The following TBC1D15 variants were observed in gnomAD, a reference collection of about 807,000 sequenced individuals.
TBC1D15 encodes GAP for RAB7.
A neutral mutation model predicts 95.4 loss-of-function variants in TBC1D15; 39 were observed. The observed-to-expected ratio is 0.41, with a 90% CI of 0.32 to 0.53. The LOEUF (loss-of-function observed/expected upper bound fraction) is 0.53. TBC1D15 is among the 20% of genes least tolerant of loss of function. The pLI is 0.29. For missense variants in TBC1D15, 733 were observed against 794.3 expected (o/e 0.92, Z 0.93); for synonymous variants, 258 against 261.3 (o/e 0.99, Z 0.12).
chr12:71,869,618 G>A (rs1259081041), intron 1 of TBC1D15, among the ~76,000 whole-genome samples: 5 of 152,146 alleles, frequency 3.3e-5, no homozygotes, highest in Non-Finnish European at 5.9e-5. Flanking sequence ...GAGAGATGTA[G>A]GTCAAAGGAT....
intron 1 of TBC1D15, among the ~76,000 whole-genome samples, chr12:71,864,487 GTT>G (rs1012280064): frequency 2.1e-5 from 3 of 142,758 alleles, no homozygotes; most frequent in Non-Finnish European, 3.1e-5. Flanking sequence ...GCAGTTGAGT[GTT>G]TTTTTTTTTT....
chr12:71,839,894 A>G (rs1255541670), intron 1 of TBC1D15, 83 bp downstream of exon 1: 3 of 1,543,354 alleles, frequency 1.9e-6, no homozygotes, highest in Non-Finnish European at 2.7e-6. Context: ...TGGGGGAGGG[A>G]CACGAGGGAC....
At chr12:71,881,735 G>A (rs1434475185) in intron 4 of TBC1D15, among the ~76,000 whole-genome samples, 4 of 151,874 alleles carry the variant, frequency 2.6e-5, no homozygotes, top group South Asian at 2.1e-4. Flanking sequence ...GGCCAAAATG[G>A]TGAAACCCTG....
chr12:71,864,791 C>G (rs1268738062), intron 1 of TBC1D15, among the ~76,000 whole-genome samples: 1 of 152,214 alleles, frequency 6.6e-6, no homozygotes, highest in Non-Finnish European at 1.5e-5. Flanking sequence ...AGGCGTGAGC[C>G]ACCGTGCCCG....
chr12:71,840,558 C>G (rs1884712582), intron 1 of TBC1D15, among the ~76,000 whole-genome samples: 1 of 152,114 alleles, frequency 6.6e-6, no homozygotes, highest in African/African-American at 2.4e-5. Context: ...ATTCGCGTTC[C>G]GAGGGCACAT....
intron 1 of TBC1D15, among the ~76,000 whole-genome samples, chr12:71,866,200 A>T (rs1159889833): frequency 6.6e-6 from 1 of 151,972 alleles, no homozygotes. Flanking sequence ...GATGAAGGGA[A>T]TCTGTGGCTA....
intron 7 of TBC1D15, among the ~76,000 whole-genome samples, chr12:71,895,578 TTC>T (rs1203468808): frequency 6.6e-6 from 1 of 152,064 alleles, no homozygotes; most frequent in African/African-American, 2.4e-5. Flanking sequence ...TAATTATATA[TTC>T]TCTCTTTTTA....
rs1024942008 is a variant in TBC1D15, at chr12:71,880,503, C to T, written c.239C>T (p.Pro80Leu). 1.2e-6 allele frequency: 2 copies of T among 1,609,532 alleles called. No homozygotes were observed. The highest frequency in any genetic ancestry group is 2.2e-5 in the East Asian group (1 of 44,690). Reference sequence around the variant, plus strand: ...TCAGTTGTAGAATGGACTCAGGCCCCAAAAGAAAGAGGTCATCGAGGATCA... The same window carrying T: ...TCAGTTGTAGAATGGACTCAGGCCCTAAAAGAAAGAGGTCATCGAGGATCA... ...SSSVVEWTQA[P>L]KERGHRGSEH... The change falls in exon 4 of 17, where the codon CCA becomes CTA. Residue 80 changes from proline to leucine, a missense_variant. By Grantham distance (98) the Pro-to-Leu change is moderately conservative. Coordinates refer to ENST00000485960, the MANE Select transcript of TBC1D15 (RefSeq NM_001146213.3).
At chr12:71,849,699 G>T (rs2137901371) in intron 1 of TBC1D15, 1 of 552,160 alleles carries the variant, frequency 1.8e-6, no homozygotes, top group Non-Finnish European at 3.5e-6. Context: ...GTCAGTCCCA[G>T]TACTGCTCTT....
chr12:71,878,795 G>T (rs1159278768), intron 3 of TBC1D15, among the ~76,000 whole-genome samples: 5 of 151,340 alleles, frequency 3.3e-5, no homozygotes, highest in Admixed American at 1.3e-4. Flanking sequence ...GGGATTACAG[G>T]CATGAGCTAC....
chr12:71,896,501 T>A, intron 8 of TBC1D15, 176 bp from the exon 9 acceptor site: 1 of 604,784 alleles, frequency 1.7e-6, no homozygotes, highest in Non-Finnish European at 2.9e-6. Flanking sequence ...TTCTGGCAGC[T>A]GCTTACATCT....
chr12:71,875,399 A>AT (rs1893580318), intron 3 of TBC1D15, among the ~76,000 whole-genome samples: 6 of 151,508 alleles, frequency 4.0e-5, no homozygotes, highest in Admixed American at 3.3e-4. Context: ...AAGTTTATCT[A>AT]TTTTTTTTCT....
chr12:71,889,317 C>T (rs563788017), intron 5 of TBC1D15, among the ~76,000 whole-genome samples: 9 of 152,270 alleles, frequency 5.9e-5, no homozygotes, highest in Non-Finnish European at 1.0e-4. Flanking sequence ...TTTGTGTATT[C>T]TCCTGTGACA....
chr12:71,894,569 T>C, intron 6 of TBC1D15, 117 bp from the exon 7 acceptor site: 1 of 1,093,754 alleles, frequency 9.1e-7, no homozygotes. Context: ...CTTAGAACAC[T>C]CTGTTTTAGT....
Position 71,839,793 on chromosome 12 carries a change from G to T in TBC1D15, c.12G>T (p.Ala4=). 6.2e-7 allele frequency: 1 copy of T among 1,614,198 alleles called. No homozygotes were observed. Among genetic ancestry groups the T allele is most frequent in the South Asian group, 1.1e-5 (1 of 91,080 alleles). The change falls in exon 1 of 17, where the codon GCG becomes GCT. Residue 4 remains alanine, a synonymous_variant. Coordinates refer to ENST00000485960, the MANE Select transcript of TBC1D15 (RefSeq NM_001146213.3). MAA[A]GVVSGKIIYE... is the part of the protein sequence containing the mutation. ...CACGCGCAGGAAACATGGCGGCGGC[G>T]GGTGTTGTGAGCGGGAAGGTAGGTA... is the stretch of plus-strand genomic sequence containing the variant.
intron 1 of TBC1D15, among the ~76,000 whole-genome samples, chr12:71,864,715 C>T (rs1483695518): frequency 1.3e-5 from 2 of 151,976 alleles, no homozygotes; most frequent in Non-Finnish European, 2.9e-5. Flanking sequence ...CTGTCTTGGC[C>T]AGGGTGGTCT....
chr12:71,895,854 C>A, intron 7 of TBC1D15, 93 bp from the exon 8 acceptor site: 1 of 1,233,538 alleles, frequency 8.1e-7, no homozygotes, highest in Non-Finnish European at 1.1e-6. Context: ...GAAGTCATGT[C>A]TGAAAAACAG....
chr12:71,873,660 G>GC (rs1322283926), intron 3 of TBC1D15, among the ~76,000 whole-genome samples: 1 of 152,160 alleles, frequency 6.6e-6, no homozygotes, highest in Non-Finnish European at 1.5e-5. Flanking sequence ...TTTCAGAGCA[G>GC]CTGCATCATT....
At chr12:71,883,961 T>C (rs1473903003) in intron 4 of TBC1D15, among the ~76,000 whole-genome samples, 2 of 152,188 alleles carry the variant, frequency 1.3e-5, no homozygotes, top group Non-Finnish European at 2.9e-5. Context: ...CCTGGAATTT[T>C]CGCTTCTATA....
Sources: gnomAD v4.1 joint callset for allele counts (sites outside exome capture counted in the v4.1 genomes callset) on GRCh38, gnomAD v4.1.1 for gene constraint, MANE v1.5 for transcripts, NCBI Gene and HGNC (gene_info 2026-07-23, HGNC 2026-07-21) for gene names.